The following GLIS2 variants were observed in gnomAD, a reference collection of about 807,000 sequenced individuals.
GLIS2 encodes GLIS family zinc finger 2.
GLIS2 carries 14 observed loss-of-function variants against 35.6 expected under a neutral mutation model. That is an observed-to-expected ratio of 0.39 (90% CI 0.26 to 0.61). The LOEUF is 0.61. Among genes scored for constraint, GLIS2 ranks in the 20% least tolerant of loss-of-function variants. GLIS2 has a pLI of 0.48. For synonymous variants in GLIS2, 368 were observed against 325.1 expected (o/e 1.13, Z -1.42); for missense variants, 675 against 713.4 (o/e 0.95, Z 0.61).
At chr16:4,330,159 C>G (rs1240181751) in intron 1 of GLIS2, among the ~76,000 whole-genome samples, 1 of 152,152 alleles carries the variant, frequency 6.6e-6, no homozygotes, top group African/African-American at 2.4e-5. Context: ...CACCTGTAAT[C>G]CCAGCTACTT....
In GLIS2 at chr16:4,333,415, C is replaced by A; in HGVS notation, c.241C>A (p.Leu81Ile). 1 of 1,613,068 alleles carries A rather than the reference C, an allele frequency of 6.2e-7. No individual in the cohort carries two copies. The highest frequency in any genetic ancestry group is 8.5e-7 in the Non-Finnish European group (1 of 1,180,012). ...GRFSAAPLVD[L>I]SLSPPSGLDS... ...CTTTTCAGCAGCCCCTCTCGTGGAC[C>A]TCAGCCTGTCACCACCATCTGGGCT... is the stretch of plus-strand genomic sequence containing the variant. Residue 81 changes from leucine (L) to isoleucine (I), a missense_variant, in exon 3 of 7, where the codon CTC (leucine) becomes ATC (isoleucine). By Grantham distance (5) the Leu-to-Ile change is conservative. Coordinates refer to ENST00000433375, the MANE Select transcript of GLIS2 (RefSeq NM_032575.3).
At chr16:4,330,145 T>C (rs1039884683) in intron 1 of GLIS2, among the ~76,000 whole-genome samples, 2 of 152,074 alleles carry the variant, frequency 1.3e-5, no homozygotes, top group African/African-American at 4.8e-5. Context: ...GGTGTGATGG[T>C]GTACACCTGT....
intron 1 of GLIS2, among the ~76,000 whole-genome samples, chr16:4,318,814 T>C (rs931543936): frequency 6.6e-6 from 1 of 152,214 alleles, no homozygotes; most frequent in Non-Finnish European, 1.5e-5. Flanking sequence ...CCGGCAACAA[T>C]TTCCCATGTG....
At position 4,332,333 on chromosome 16, in the gene GLIS2, G is replaced by A. The variant is rs747715633; in HGVS notation, c.53G>A (p.Arg18Gln). 1.2e-5 allele frequency: 20 copies of A among 1,613,102 alleles called. No individual in the cohort carries two copies. Among genetic ancestry groups the A allele is most frequent in the African/African-American group, 4.0e-5 (3 of 74,914 alleles). The part of the protein sequence containing the change: ...LDLKLSITKL[R>Q]AAREKRERTL... ...CTGAAGCTGAGTATCACCAAGCTCC[G>A]GGCGGCAAGAGAGAAGCGGGAGAGG... The change falls in exon 2 of 7, where the codon CGG (arginine) becomes CAG (glutamine). Residue 18 changes from arginine to glutamine, a missense_variant. Physicochemically the swap from Arg to Gln is conservative, Grantham distance 43. Transcript: ENST00000433375. This position sits in a 1 kb window ranked among gnomAD's most constrained non-coding sequence, Gnocchi z 5.4.
At chr16:4,334,255 T>C (rs2053526556) in intron 3 of GLIS2, among the ~76,000 whole-genome samples, 1 of 146,282 alleles carries the variant, frequency 6.8e-6, no homozygotes, top group African/African-American at 2.5e-5. Context: ...TTTTTTTTTT[T>C]TAAACAGGGT....
chr16:4,320,673 T>C lies in GLIS2; in HGVS notation c.-67+4419T>C, dbSNP rs112177758. Among the ~76,000 whole-genome samples, 656 of 152,304 alleles carry C rather than the reference T, an allele frequency of 4.3e-3. 2 individuals carry two copies. Among genetic ancestry groups the C allele is most frequent in the Non-Finnish European group, 6.5e-3 (445 of 68,004 alleles). On this transcript the variant is annotated intron_variant, in intron 1 of 6. Transcript: ENST00000433375. The surrounding 1 kb of genome is among the most constrained non-coding windows in gnomAD (Gnocchi z 5.6). ...TGGGGCTGTCTAGCAAGTCCCGGCCTGCCTGGGCCAGTTCTCCCCTGGGCC... is the reference window on the plus strand; with the variant it reads ...TGGGGCTGTCTAGCAAGTCCCGGCCCGCCTGGGCCAGTTCTCCCCTGGGCC...
intron 1 of GLIS2, among the ~76,000 whole-genome samples, chr16:4,321,525 A>G (rs3848371): frequency 0.28 from 42,310 of 152,058 alleles, 9,762 homozygotes; most frequent in African/African-American, 0.63. Flanking sequence ...GCCACCTAAG[A>G]TGAGTGGTTG....
intron 1 of GLIS2, among the ~76,000 whole-genome samples, chr16:4,316,702 C>T (rs2053316857): frequency 6.6e-6 from 1 of 152,114 alleles, no homozygotes; most frequent in South Asian, 2.1e-4. Flanking sequence ...TGGAAGGTGC[C>T]TCCTCCCTTG....
In GLIS2 at chr16:4,337,980, T is replaced by G. The variant is rs764876492; in HGVS notation, c.*456T>G. The G allele has an allele frequency of 2.1e-5, 6 of 292,546 alleles. No homozygotes were observed. The highest frequency in any genetic ancestry group is 4.0e-5 in the Non-Finnish European group (6 of 150,240). The allele number at this position is 292,546 out of a possible 1,614,324, so 18.1% of individuals were successfully genotyped here. On this transcript the variant is annotated 3_prime_UTR_variant, in exon 7 of 7. Transcript: ENST00000433375. ...GCCCCCAGGGACCAGAGGCCTGCCC[T>G]TCCCTCCTAGGCTTACCCAGCCCCT...
At chr16:4,315,676 G>C (rs2053300898), upstream of GLIS2, among the ~76,000 whole-genome samples, 1 of 150,894 alleles carries the variant, frequency 6.6e-6, no homozygotes, top group Non-Finnish European at 1.5e-5. Context: ...CGGGGGGGGG[G>C]TGGCGTGAGG....
chr16:4,336,340 T>G, intron 6 of GLIS2: 1 of 401,684 alleles, frequency 2.5e-6, no homozygotes, highest in South Asian at 2.3e-5. Flanking sequence ...AGAGACGGGG[T>G]CTCACCATGT....
chr16:4,336,511 G>A (rs1567224386), intron 6 of GLIS2: 1 of 654,832 alleles, frequency 1.5e-6, no homozygotes, highest in East Asian at 2.7e-5. Context: ...GGCGAGGCTA[G>A]GCAGAGCTGG....
At chr16:4,327,376 C>G (rs1020928120) in intron 1 of GLIS2, among the ~76,000 whole-genome samples, 1 of 152,244 alleles carries the variant, frequency 6.6e-6, no homozygotes, top group African/African-American at 2.4e-5. Flanking sequence ...CCTAATGGTC[C>G]TTTACCCCCT....
Position 4,320,894 on chromosome 16 carries a change from G to C in GLIS2, c.-67+4640G>C, listed in dbSNP as rs1399700217. 6.6e-6 allele frequency among the ~76,000 whole-genome samples: 1 copy of C among 152,114 alleles called. No homozygotes were observed. The highest frequency in any genetic ancestry group is 2.4e-5 in the African/African-American group (1 of 41,414). On this transcript the variant is annotated intron_variant, in intron 1 of 6. Coordinates refer to ENST00000433375, the MANE Select transcript of GLIS2 (RefSeq NM_032575.3). The surrounding 1 kb of genome is among the most constrained non-coding windows in gnomAD (Gnocchi z 5.6). ...CCCAGCACCCCCCGGAGCACCTAGT[G>C]GTCACCCTGCTTGGTTCTAGGGCCA...
At position 4,320,408 on chromosome 16, in the gene GLIS2, G is replaced by A. The variant is rs1255362670; in HGVS notation, c.-67+4154G>A. On this transcript the variant is annotated intron_variant, in intron 1 of 6. Transcript: ENST00000433375. This position sits in a 1 kb window ranked among gnomAD's most constrained non-coding sequence, Gnocchi z 5.6. ...GGACCCTGGTAGTCAAGAGGTCGTC[G>A]GAGGCCGGTGGGGGGAAACTGAGGC... Among the ~76,000 whole-genome samples the A allele has an allele frequency of 2.6e-5, 4 of 152,044 alleles. No homozygotes were observed. The highest frequency in any genetic ancestry group is 4.1e-4 in the South Asian group (2 of 4,836).
At chr16:4,318,370 A>G (rs2053338022) in intron 1 of GLIS2, among the ~76,000 whole-genome samples, 1 of 152,018 alleles carries the variant, frequency 6.6e-6, no homozygotes, top group Non-Finnish European at 1.5e-5. Context: ...GGTCAGGGGG[A>G]GGAAAGAGGG....
At position 4,335,199 on chromosome 16, in the gene GLIS2, G is replaced by T. The variant is rs759708250; in HGVS notation, c.656+6G>T. ...GGCCGAGGTTTCAACGCCAGGTGAG[G>T]TGGGGGAGAGAGGGGTAGAGGGAGG... On this transcript the variant is annotated splice_donor_region_variant and intron_variant, in intron 5 of 6. Coordinates refer to ENST00000433375, the MANE Select transcript of GLIS2 (RefSeq NM_032575.3). This position sits in a 1 kb window ranked among gnomAD's most constrained non-coding sequence, Gnocchi z 4.6. 1 of 1,613,576 alleles carries T rather than the reference G, an allele frequency of 6.2e-7. No homozygotes were observed. Among genetic ancestry groups the T allele is most frequent in the Non-Finnish European group, 8.5e-7 (1 of 1,180,032 alleles).
Position 4,332,154 on chromosome 16 carries a change from G to A in GLIS2, c.-66-61G>A. The A allele has an allele frequency of 1.7e-6, 2 of 1,194,944 alleles. No individual in the cohort carries two copies. Among genetic ancestry groups the A allele is most frequent in the Non-Finnish European group, 1.2e-6 (1 of 835,870 alleles). 74.0% of individuals were successfully genotyped at this position (1,194,944 alleles called of 1,614,324 possible). ...TCCTGCTCCTGTTAGACTGTCATGA[G>A]TACAGCCCGAGGAGAAGCCTGGGGT... On this transcript the variant is annotated intron_variant, in intron 1 of 6. Transcript: ENST00000433375. This position sits in a 1 kb window ranked among gnomAD's most constrained non-coding sequence, Gnocchi z 5.4.
At chr16:4,327,672 GCCCAGCCCA>G in intron 1 of GLIS2, among the ~76,000 whole-genome samples, 1 of 150,524 alleles carries the variant, frequency 6.6e-6, no homozygotes, top group Non-Finnish European at 1.5e-5. Context: ...CGGGGGGCCC[GCCCAGCCCA>G]CCCTCCGGGT....
Sources: gnomAD v4.1 joint callset for allele counts (sites outside exome capture counted in the v4.1 genomes callset) on GRCh38, gnomAD v4.1.1 for gene constraint, Gnocchi (gnomAD v3.1) non-coding constraint, MANE v1.5 for transcripts, NCBI Gene and HGNC (gene_info 2026-07-23, HGNC 2026-07-21) for gene names.